Variants in CNKSR3 observed in about 807,000 individuals in gnomAD.
CNKSR3 encodes CNKSR family member 3, also known as connector enhancer of kinase suppressor of ras 3.
CNKSR3 carries 36 observed loss-of-function variants against 67.7 expected under a neutral mutation model. The ratio of observed to expected loss-of-function variants is 0.53; its 90% CI spans 0.41 to 0.70. The LOEUF (loss-of-function observed/expected upper bound fraction) is 0.70, where lower values mean the gene tolerates loss of function less well. CNKSR3 is among the 30% of genes least tolerant of loss of function. CNKSR3 has a pLI of 0.00. For missense variants in CNKSR3, 630 were observed against 695.2 expected (o/e 0.91, Z 1.05); for synonymous variants, 281 against 271.4 (o/e 1.04, Z -0.35).
At chr6:154,434,235 A>C (rs1322224499) in intron 4 of CNKSR3, among the ~76,000 whole-genome samples, 1 of 152,202 alleles carries the variant, frequency 6.6e-6, no homozygotes, top group Non-Finnish European at 1.5e-5. Flanking sequence ...TGCCAAAGTG[A>C]AATTGCCAAT....
chr6:154,483,425 A>G (rs1167349413), intron 1 of CNKSR3, among the ~76,000 whole-genome samples: 1 of 152,078 alleles, frequency 6.6e-6, no homozygotes, highest in Non-Finnish European at 1.5e-5. Flanking sequence ...AACCAACTTC[A>G]CTGCCCAGCA....
In CNKSR3 at chr6:154,510,156, T is replaced by A; in HGVS notation, c.-42A>T. On this transcript the variant is annotated 5_prime_UTR_variant, in exon 1 of 13. Transcript: ENST00000607772. ...TCTCGCTGGGCTGGAGAGTCGCAGA[T>A]AAAGTGCTGCTGCCTGCGCTCCGGT... The A allele has an allele frequency of 1.9e-6, 3 of 1,612,092 alleles. No homozygotes were observed. Among genetic ancestry groups the A allele is most frequent in the Non-Finnish European group, 2.5e-6 (3 of 1,178,448 alleles).
At chr6:154,497,745 G>A (rs1442183910) in intron 1 of CNKSR3, among the ~76,000 whole-genome samples, 1 of 152,182 alleles carries the variant, frequency 6.6e-6, no homozygotes, top group Non-Finnish European at 1.5e-5. Context: ...ATATTCTCCT[G>A]TGTTTAAGAA....
chr6:154,508,156 C>G (rs1008195896), intron 1 of CNKSR3, among the ~76,000 whole-genome samples: 1 of 152,154 alleles, frequency 6.6e-6, no homozygotes, highest in African/African-American at 2.4e-5. Flanking sequence ...ATAATGGAAG[C>G]CACAAATGTG....
At chr6:154,469,585 A>G (rs929446500) in intron 1 of CNKSR3, among the ~76,000 whole-genome samples, 3 of 152,160 alleles carry the variant, frequency 2.0e-5, no homozygotes, top group African/African-American at 7.2e-5. Context: ...CACCTCCACA[A>G]AAAGCCTTCT....
intron 7 of CNKSR3, among the ~76,000 whole-genome samples, chr6:154,425,807 G>C (rs1785243106): frequency 6.7e-6 from 1 of 149,378 alleles, no homozygotes; most frequent in South Asian, 2.1e-4. Flanking sequence ...GAAAACAATG[G>C]GTGATTTTCA....
intron 1 of CNKSR3, among the ~76,000 whole-genome samples, chr6:154,486,263 G>T (rs534793537): frequency 6.6e-6 from 1 of 151,554 alleles, no homozygotes; most frequent in South Asian, 2.1e-4. Context: ...ATTTAAAAAG[G>T]TACAACTGTC....
At chr6:154,442,513 T>G (rs1785620041) in intron 2 of CNKSR3, among the ~76,000 whole-genome samples, 1 of 151,896 alleles carries the variant, frequency 6.6e-6, no homozygotes, top group Admixed American at 6.6e-5. Context: ...TCCCAGCTAC[T>G]CGGGAGGCTG....
Position 154,399,573 on chromosome 6 carries a change from AT to A in CNKSR3, c.*6780del, listed in dbSNP as rs1465591381. Reference sequence around the variant, plus strand: ...AAAAGCTGAGCCCCCGCCTGCTTCTATCTGCTTGATGCAAATTCCCAAAAGT... The same window carrying A: ...AAAAGCTGAGCCCCCGCCTGCTTCTACTGCTTGATGCAAATTCCCAAAAGT... On this transcript the variant is annotated 3_prime_UTR_variant, in exon 13 of 13. Coordinates refer to ENST00000607772, the MANE Select transcript of CNKSR3 (RefSeq NM_173515.4). 2 of 152,042 alleles carry A rather than the reference AT, an allele frequency of 1.3e-5. No individual in the cohort carries two copies. Among genetic ancestry groups the A allele is most frequent in the Non-Finnish European group, 2.9e-5 (2 of 68,026 alleles). The allele number at this position is 152,042 out of a possible 1,614,324, so 9.4% of individuals were successfully genotyped here. A position where few individuals can be genotyped will look rare whatever the true frequency, so the allele number is the denominator to read the frequency against.
At chr6:154,486,772 G>A (rs1185037927) in intron 1 of CNKSR3, among the ~76,000 whole-genome samples, 2 of 152,080 alleles carry the variant, frequency 1.3e-5, no homozygotes, top group Admixed American at 6.5e-5. Flanking sequence ...AAGATTACAG[G>A]CGTAAGCCAC....
At chr6:154,480,958 G>A (rs893886359) in intron 1 of CNKSR3, among the ~76,000 whole-genome samples, 1 of 151,798 alleles carries the variant, frequency 6.6e-6, no homozygotes, top group Non-Finnish European at 1.5e-5. Flanking sequence ...ATGCATATTT[G>A]ATATTTATTT....
intron 11 of CNKSR3, 149 bp downstream of exon 11, chr6:154,410,785 G>T (rs1339036126): frequency 4.6e-6 from 3 of 647,384 alleles, no homozygotes; most frequent in African/African-American, 1.8e-5. Flanking sequence ...ATGAATAAAG[G>T]TCTCATACTT....
chr6:154,468,780 G>C (rs1786263578), intron 1 of CNKSR3, among the ~76,000 whole-genome samples: 1 of 152,254 alleles, frequency 6.6e-6, no homozygotes, highest in African/African-American at 2.4e-5. Context: ...AGACAACTTG[G>C]GCTTAAGAAC....
At chr6:154,464,760 G>T (rs1187595377) in intron 1 of CNKSR3, among the ~76,000 whole-genome samples, 1 of 151,666 alleles carries the variant, frequency 6.6e-6, no homozygotes. Context: ...AAAGTCAAAG[G>T]CCTTAGTGAG....
intron 12 of CNKSR3, among the ~76,000 whole-genome samples, chr6:154,407,890 A>AAC (rs1189355789): frequency 2.0e-5 from 3 of 151,270 alleles, no homozygotes; most frequent in South Asian, 2.1e-4. Context: ...AAAAAAAAAA[A>AAC]AAAAACCTAA....
chr6:154,408,823 A>G (rs1396742457), intron 12 of CNKSR3, among the ~76,000 whole-genome samples: 2 of 152,236 alleles, frequency 1.3e-5, no homozygotes, highest in Non-Finnish European at 2.9e-5. Flanking sequence ...GGCTGTGTAT[A>G]GATAGATACC....
intron 1 of CNKSR3, among the ~76,000 whole-genome samples, chr6:154,486,574 C>A (rs1408329245): frequency 6.7e-6 from 1 of 149,240 alleles, no homozygotes; most frequent in African/African-American, 2.6e-5. Flanking sequence ...CTCACTACAA[C>A]CTCCCCCTCC....
intron 1 of CNKSR3, among the ~76,000 whole-genome samples, chr6:154,465,449 A>G (rs149261466): frequency 6.6e-6 from 1 of 151,776 alleles, no homozygotes; most frequent in East Asian, 1.9e-4. Context: ...TATATATATA[A>G]CCCCTTAAGT....
At chr6:154,450,950 T>C (rs147292349) in intron 1 of CNKSR3, among the ~76,000 whole-genome samples, 4 of 152,370 alleles carry the variant, frequency 2.6e-5, no homozygotes, top group Non-Finnish European at 4.4e-5. Flanking sequence ...GATCTAACCT[T>C]GCTTAATAAA....
Sources: gnomAD v4.1 joint callset for allele counts (sites outside exome capture counted in the v4.1 genomes callset) on GRCh38, gnomAD v4.1.1 for gene constraint, MANE v1.5 for transcripts, NCBI Gene and HGNC (gene_info 2026-07-23, HGNC 2026-07-21) for gene names.